Variants in PCSK5 observed in about 807,000 individuals in gnomAD.
PCSK5 encodes the protein prohormone convertase 5.
A neutral mutation model predicts 233.2 loss-of-function variants in PCSK5; 129 were observed. That is an observed-to-expected ratio of 0.55 (90% CI 0.48 to 0.64). The LOEUF (loss-of-function observed/expected upper bound fraction) is 0.64. Among genes scored for constraint, PCSK5 ranks in the 30% least tolerant of loss-of-function variants. The pLI, the probability that PCSK5 is intolerant of heterozygous loss-of-function variation, is 0.00. For synonymous variants in PCSK5, 825 were observed against 879.2 expected (o/e 0.94, Z 1.09); for missense variants, 2,076 against 2,430.1 (o/e 0.85, Z 3.06).
intron 23 of PCSK5, 130 bp downstream of exon 23, chr9:76,239,295 C>A: frequency 1.4e-6 from 1 of 701,258 alleles, no homozygotes; most frequent in Non-Finnish European, 2.5e-6. Context: ...GGGTGACTCC[C>A]AACCCTAGTG....
Position 75,948,819 on chromosome 9 carries a change from T to C in PCSK5, c.297+16336T>C, listed in dbSNP as rs1459381531. On this transcript the variant is annotated intron_variant, in intron 2 of 37. Coordinates refer to ENST00000674117, the MANE Select transcript of PCSK5 (RefSeq NM_001372043.1). ...CTATTTCTCCACATCCTATCCAGCA[T>C]CTGTTGTTTCCTGACTTTTTAATGA... Among the ~76,000 whole-genome samples, 12 of 152,174 alleles carry C rather than the reference T, an allele frequency of 7.9e-5. No individual in the cohort carries two copies. The East Asian group carries it at 2.3e-3, about 29-fold the overall frequency.
chr9:76,201,136 C>T (rs555925519), intron 20 of PCSK5, among the ~76,000 whole-genome samples: 2 of 152,264 alleles, frequency 1.3e-5, no homozygotes, highest in East Asian at 1.9e-4. Flanking sequence ...TTTGGCAAGG[C>T]CTGTTTGCAA....
intron 27 of PCSK5, among the ~76,000 whole-genome samples, 170 bp downstream of exon 27, chr9:76,297,035 A>G (rs1055146801): frequency 6.6e-6 from 1 of 152,184 alleles, no homozygotes; most frequent in Admixed American, 6.5e-5. Context: ...TGATGCTTGC[A>G]GTAGGAGTGG....
intron 2 of PCSK5, among the ~76,000 whole-genome samples, chr9:75,936,640 T>G (rs1055936038): frequency 6.6e-6 from 1 of 152,244 alleles, no homozygotes; most frequent in Non-Finnish European, 1.5e-5. Context: ...TCTTGGTGTT[T>G]CTATCACATA....
intron 24 of PCSK5, among the ~76,000 whole-genome samples, chr9:76,269,416 G>A (rs989201990): frequency 5.9e-5 from 9 of 152,142 alleles, no homozygotes; most frequent in African/African-American, 1.2e-4. Context: ...GAATTGCACC[G>A]ATCACTCATC....
intron 1 of PCSK5, among the ~76,000 whole-genome samples, chr9:75,916,434 G>T (rs1259082373): frequency 6.6e-6 from 1 of 152,160 alleles, no homozygotes; most frequent in Non-Finnish European, 1.5e-5. Flanking sequence ...ATAGGTGCTG[G>T]CAATATAGCG....
In PCSK5 at chr9:75,908,815, C is replaced by CATCTATCTATCT. The variant is rs202004678; in HGVS notation, c.192+17454_192+17465dup. On this transcript the variant is annotated intron_variant, in intron 1 of 37. Transcript: ENST00000674117. ...CACTTGGCATTTTCATCTTACATGC[C>CATCTATCTATCT]ATCTATCTATCTATCTATCTATCCA... Among the ~76,000 whole-genome samples the CATCTATCTATCT allele has an allele frequency of 2.1e-3, 324 of 151,842 alleles. 1 individual carries two copies. The highest frequency in any genetic ancestry group is 2.8e-3 in the Admixed American group (43 of 15,224).
At chr9:76,251,205 G>A (rs552174190) in intron 24 of PCSK5, among the ~76,000 whole-genome samples, 4 of 152,194 alleles carry the variant, frequency 2.6e-5, no homozygotes, top group South Asian at 2.1e-4. Flanking sequence ...AGTTCAAAGC[G>A]GCAGTGAGCT....
At chr9:76,009,970 C>T (rs1312255778) in intron 3 of PCSK5, among the ~76,000 whole-genome samples, 2 of 152,086 alleles carry the variant, frequency 1.3e-5, no homozygotes, top group Non-Finnish European at 2.9e-5. Flanking sequence ...ATGTGCGCTG[C>T]ACCAGGCCTG....
intron 9 of PCSK5, among the ~76,000 whole-genome samples, chr9:76,120,234 G>A (rs1832581018): frequency 6.6e-6 from 1 of 152,010 alleles, no homozygotes; most frequent in African/African-American, 2.4e-5. Flanking sequence ...TTGCATTTAT[G>A]AGGATCTCCT....
intron 24 of PCSK5, among the ~76,000 whole-genome samples, chr9:76,278,978 T>C (rs1827778899): frequency 6.6e-6 from 1 of 151,900 alleles, no homozygotes; most frequent in African/African-American, 2.4e-5. Flanking sequence ...TAGTTACATA[T>C]GTATACATGT....
At chr9:76,221,575 G>A (rs925878048) in intron 20 of PCSK5, among the ~76,000 whole-genome samples, 3 of 152,160 alleles carry the variant, frequency 2.0e-5, no homozygotes, top group Non-Finnish European at 4.4e-5. Context: ...AGGCATCCAT[G>A]AATAGGAGCT....
rs188909185 is a variant in PCSK5 at position 75,937,997 on chromosome 9, T to C, written c.297+5514T>C. 7.9e-5 allele frequency among the ~76,000 whole-genome samples: 12 copies of C among 152,312 alleles called. No homozygotes were observed. The East Asian group carries it at 2.3e-3, about 29-fold the overall frequency. On this transcript the variant is annotated intron_variant, in intron 2 of 37. Transcript: ENST00000674117. ...CCAGACCACAAAAACTTTCTCCCTA[T>C]CAGCAATAAGGCTGTTTCTCTTTCT...
chr9:76,170,052 T>C (rs1033871887), intron 13 of PCSK5, among the ~76,000 whole-genome samples: 3 of 152,222 alleles, frequency 2.0e-5, no homozygotes, highest in Admixed American at 6.5e-5. Context: ...ACATATAGTA[T>C]AGAACAAAAC....
intron 2 of PCSK5, among the ~76,000 whole-genome samples, chr9:75,970,235 A>G (rs1025036099): frequency 4.6e-5 from 7 of 152,074 alleles, no homozygotes; most frequent in African/African-American, 1.2e-4. Context: ...TGTTAATTCA[A>G]TCTCTCATTA....
At chr9:76,086,132 A>G (rs1366563476) in intron 7 of PCSK5, among the ~76,000 whole-genome samples, 1 of 152,156 alleles carries the variant, frequency 6.6e-6, no homozygotes, top group Non-Finnish European at 1.5e-5. Context: ...AAGTCTGAGC[A>G]TGGTTTTGCC....
At chr9:76,258,985 G>T (rs12343329) in intron 24 of PCSK5, among the ~76,000 whole-genome samples, 2,806 of 152,202 alleles carry the variant, frequency 0.018, 87 homozygotes, top group African/African-American at 0.063. Flanking sequence ...GGCCACTTGG[G>T]ACCCTAGCAA....
At chr9:76,228,302 AG>A (rs1825963087) in intron 21 of PCSK5, among the ~76,000 whole-genome samples, 2 of 152,048 alleles carry the variant, frequency 1.3e-5, no homozygotes, top group African/African-American at 4.8e-5. Flanking sequence ...CTGTTTTTAA[AG>A]GCATTTCTGA....
intron 33 of PCSK5, among the ~76,000 whole-genome samples, chr9:76,329,363 T>C (rs1829462196): frequency 6.6e-6 from 1 of 151,800 alleles, no homozygotes; most frequent in Non-Finnish European, 1.5e-5. Flanking sequence ...TCTCACTGTG[T>C]TCCCCAGGCT....
Sources: allele counts gnomAD v4.1 joint callset (sites outside exome capture counted in the v4.1 genomes callset), GRCh38; gene constraint gnomAD v4.1.1; transcripts MANE v1.5; gene names NCBI Gene and HGNC (gene_info 2026-07-23, HGNC 2026-07-21).